GLT1D1: variants seen among roughly 807,000 people sequenced by gnomAD.
GLT1D1 encodes the protein glycosyltransferase 1 domain-containing protein 1.
In GLT1D1, 21 loss-of-function variants were observed where a neutral mutation model predicts 28.7. That is an observed-to-expected ratio of 0.73 (90% CI 0.52 to 1.05). The LOEUF (loss-of-function observed/expected upper bound fraction) is 1.05. Ranked by LOEUF, GLT1D1 falls within the 50% of genes least tolerant of loss-of-function variation. The probability of loss-of-function intolerance (pLI) is 0.00; values close to 1 mark genes in which losing one functional copy is unlikely to be tolerated. For missense variants in GLT1D1, 343 were observed against 330.6 expected (o/e 1.04, Z -0.29); for synonymous variants, 147 against 124.8 (o/e 1.18, Z -1.19).
intron 4 of GLT1D1, among the ~76,000 whole-genome samples, chr12:128,899,493 A>G (rs1245360971): frequency 6.6e-6 from 1 of 151,588 alleles, no homozygotes; most frequent in Non-Finnish European, 1.5e-5. Context: ...TTGTTATTGA[A>G]TGACAAAAGT....
chr12:128,948,285 T>C (rs1791652254), intron 6 of GLT1D1, among the ~76,000 whole-genome samples: 1 of 152,196 alleles, frequency 6.6e-6, no homozygotes, highest in African/African-American at 2.4e-5. Flanking sequence ...CCAGCATGTG[T>C]CTCACAGAAA....
At chr12:128,938,836 T>G (rs781079185) in intron 4 of GLT1D1, among the ~76,000 whole-genome samples, 35 of 152,186 alleles carry the variant, frequency 2.3e-4, no homozygotes, top group Admixed American at 7.2e-4. Context: ...CTTGCATATA[T>G]TTAGGAATTT....
intron 7 of GLT1D1, among the ~76,000 whole-genome samples, chr12:128,981,226 A>T (rs1019287684): frequency 2.0e-5 from 3 of 152,028 alleles, no homozygotes; most frequent in Non-Finnish European, 2.9e-5. Flanking sequence ...TCACTTTTCC[A>T]TGCGGAGAGA....
chr12:128,932,820 T>G (rs1309788746), intron 4 of GLT1D1, among the ~76,000 whole-genome samples: 1 of 152,234 alleles, frequency 6.6e-6, no homozygotes, highest in East Asian at 1.9e-4. Context: ...GACCCTGGTT[T>G]AAGATCCCTG....
intron 4 of GLT1D1, among the ~76,000 whole-genome samples, chr12:128,907,374 C>T (rs533347602): frequency 2.1e-4 from 32 of 149,662 alleles, no homozygotes; most frequent in African/African-American, 6.2e-4. Context: ...GGCGTGATCT[C>T]GGCTCACTGC....
At chr12:128,902,964 AACCC>A (rs1022538977) in intron 4 of GLT1D1, among the ~76,000 whole-genome samples, 2 of 151,074 alleles carry the variant, frequency 1.3e-5, no homozygotes, top group Admixed American at 1.3e-4. Context: ...GAATTGCTTG[AACCC>A]AGGAGGCCGA....
At chr12:128,889,393 G>A (rs1868775999) in intron 3 of GLT1D1, among the ~76,000 whole-genome samples, 1 of 152,170 alleles carries the variant, frequency 6.6e-6, no homozygotes, top group Admixed American at 6.5e-5. Flanking sequence ...GGTAGCTGCT[G>A]TGAGAACAGC....
intron 7 of GLT1D1, among the ~76,000 whole-genome samples, chr12:128,966,461 T>G (rs1330410182): frequency 6.6e-6 from 1 of 152,206 alleles, no homozygotes; most frequent in East Asian, 1.9e-4. Flanking sequence ...CCTATCTTAT[T>G]TCATTCCTGG....
chr12:128,891,896 A>T (rs1169905194), intron 3 of GLT1D1, among the ~76,000 whole-genome samples: 1 of 152,204 alleles, frequency 6.6e-6, no homozygotes, highest in Non-Finnish European at 1.5e-5. Context: ...AGAGGTCCTG[A>T]TGACACGTGC....
At chr12:128,875,775 G>A (rs1007729153) in intron 1 of GLT1D1, 139 bp from the exon 2 acceptor site, 1 of 816,852 alleles carries the variant, frequency 1.2e-6, no homozygotes, top group Non-Finnish European at 1.9e-6. Context: ...TCCCCAGCCT[G>A]GGCAACATGA....
intron 1 of GLT1D1, among the ~76,000 whole-genome samples, chr12:128,860,389 T>C (rs925410387): frequency 3.3e-5 from 5 of 152,188 alleles, no homozygotes; most frequent in Admixed American, 1.3e-4. Context: ...TGAACCCAGG[T>C]GGCAGAGGTT....
chr12:128,855,839 G>T (rs984205144), intron 1 of GLT1D1, among the ~76,000 whole-genome samples: 1 of 136,642 alleles, frequency 7.3e-6, no homozygotes, highest in Non-Finnish European at 1.5e-5. Flanking sequence ...TGCAACCTCT[G>T]CCCCCCGGTT....
chr12:128,976,521 G>A (rs1241163779), intron 7 of GLT1D1, among the ~76,000 whole-genome samples: 2 of 152,186 alleles, frequency 1.3e-5, no homozygotes, highest in African/African-American at 2.4e-5. Context: ...ACACTTCCTC[G>A]TCAACGTCTC....
chr12:128,951,985 G>C (rs937692287), intron 6 of GLT1D1, among the ~76,000 whole-genome samples: 1 of 152,140 alleles, frequency 6.6e-6, no homozygotes, highest in African/African-American at 2.4e-5. Context: ...ATCCTCCCCT[G>C]CGTCTCCCCG....
At chr12:128,956,158 C>CAAAAAAAAAAAAAA (rs1555219265) in intron 6 of GLT1D1, among the ~76,000 whole-genome samples, 1,398 of 7,434 alleles carry the variant, frequency 0.19, 419 homozygotes, top group African/African-American at 0.34. Flanking sequence ...GACTCCATCT[C>CAAAAAAAAAAAAAA]AAAAAAAAAA....
intron 4 of GLT1D1, among the ~76,000 whole-genome samples, chr12:128,938,859 T>A (rs1874829808): frequency 6.6e-6 from 1 of 152,172 alleles, no homozygotes; most frequent in South Asian, 2.1e-4. Flanking sequence ...TTCAGTATTT[T>A]AAAATTCTAT....
intron 4 of GLT1D1, among the ~76,000 whole-genome samples, chr12:128,933,678 T>G (rs1874196028): frequency 6.6e-6 from 1 of 152,180 alleles, no homozygotes; most frequent in Non-Finnish European, 1.5e-5. Context: ...GACCTCAGTC[T>G]GGCTCAGATG....
chr12:128,885,926 A>T (rs1240942603), intron 2 of GLT1D1, among the ~76,000 whole-genome samples: 1 of 152,056 alleles, frequency 6.6e-6, no homozygotes, highest in Non-Finnish European at 1.5e-5. Flanking sequence ...CCCCATCCAA[A>T]TCTCTTCTTG....
intron 4 of GLT1D1, among the ~76,000 whole-genome samples, chr12:128,943,555 T>A (rs1446858623): frequency 2.0e-5 from 3 of 152,254 alleles, no homozygotes; most frequent in African/African-American, 4.8e-5. Flanking sequence ...ACTTATAATG[T>A]TAATTTCTGA....
Sources: allele counts gnomAD v4.1 joint callset (sites outside exome capture counted in the v4.1 genomes callset), GRCh38; gene constraint gnomAD v4.1.1; transcripts MANE v1.5; gene names NCBI Gene and HGNC (gene_info 2026-07-23, HGNC 2026-07-21).